The following ZNF765 variants were observed in gnomAD, a reference collection of about 807,000 sequenced individuals.
ZNF765 encodes zinc finger protein 765.
ZNF765 carries 37 observed loss-of-function variants against 44.7 expected under a neutral mutation model. That is an observed-to-expected ratio of 0.83 (90% CI 0.64 to 1.09). The LOEUF (loss-of-function observed/expected upper bound fraction) is 1.09, where lower values mean the gene tolerates loss of function less well. ZNF765 is among the 50% of genes least tolerant of loss of function. The pLI, the probability that ZNF765 is intolerant of heterozygous loss-of-function variation, is 0.00. For missense variants in ZNF765, 594 were observed against 626.1 expected (o/e 0.95, Z 0.55); for synonymous variants, 201 against 213.7 (o/e 0.94, Z 0.52).
chr19:53,408,813 T>G lies in ZNF765; in HGVS notation c.1258T>G (p.Phe420Val). ...CAAGTGTAATGAGTGTGGCAAGACC[T>G]TCAATCAGCAGTTAACCCTTAACAT... is the stretch of plus-strand genomic sequence containing the variant. ...PYKCNECGKT[F>V]NQQLTLNICR... The change falls in exon 4 of 4, where the codon TTC (phenylalanine) becomes GTC (valine). Residue 420 changes from phenylalanine (F) to valine (V), a missense_variant. Physicochemically the swap from Phe to Val is conservative, Grantham distance 50 (BLOSUM62 -1). Coordinates refer to ENST00000396408, the MANE Select transcript of ZNF765 (RefSeq NM_001040185.3). The G allele has an allele frequency of 6.2e-7, 1 of 1,614,098 alleles. No individual in the cohort carries two copies. The highest frequency in any genetic ancestry group is 1.1e-5 in the South Asian group (1 of 91,072).
rs755579736 is a variant in ZNF765 at position 53,407,983 on chromosome 19, G to C, written c.428G>C (p.Ser143Thr). The C allele has an allele frequency of 1.2e-6, 2 of 1,614,180 alleles. No individual in the cohort carries two copies. Among genetic ancestry groups the C allele is most frequent in the Non-Finnish European group, 1.7e-6 (2 of 1,180,036 alleles). Residue 143 changes from serine to threonine, a missense_variant, in exon 4 of 4, where the codon AGC (serine) becomes ACC (threonine). Ser to Thr is a moderately conservative substitution (Grantham distance 58). Transcript: ENST00000396408. ...NKPVKYQLGF[S>T]FHSHLPELHI... ...CCTGTTAAATATCAGCTTGGATTCAGCTTTCATTCGCATCTGCCTGAACTG... is the reference window on the plus strand; with the variant it reads ...CCTGTTAAATATCAGCTTGGATTCACCTTTCATTCGCATCTGCCTGAACTG...
rs1319971996 is a variant in ZNF765, at chr19:53,411,373, A to C, written c.*2246A>C. On this transcript the variant is annotated 3_prime_UTR_variant, in exon 4 of 4. Coordinates refer to ENST00000396408, the MANE Select transcript of ZNF765 (RefSeq NM_001040185.3). The stretch of plus-strand genomic sequence containing the variant: ...AATGGAGCGATCCCAGCTCACTACA[A>C]CCTCCGCCTCCCAGGTTCAAGCAAT... 1 of 150,340 alleles carries C rather than the reference A, an allele frequency of 6.7e-6. No homozygotes were observed. Among genetic ancestry groups the C allele is most frequent in the African/African-American group, 2.5e-5 (1 of 40,520 alleles). The allele number at this position is 150,340 out of a possible 1,614,324, so 9.3% of individuals were successfully genotyped here. A position where few individuals can be genotyped will look rare whatever the true frequency, so the allele number is the denominator to read the frequency against.
intron 3 of ZNF765, among the ~76,000 whole-genome samples, chr19:53,403,165 A>C (rs191870402): frequency 6.6e-6 from 1 of 152,046 alleles, no homozygotes; most frequent in East Asian, 1.9e-4. Flanking sequence ...GTCTCAAAAA[A>C]AAAAAGAAAA....
intron 2 of ZNF765, among the ~76,000 whole-genome samples, chr19:53,401,279 C>T (rs2085722866): frequency 6.6e-6 from 1 of 152,026 alleles, no homozygotes; most frequent in Non-Finnish European, 1.5e-5. Context: ...ATAAATGTTT[C>T]TGGGCCGGGC....
chr19:53,417,612 G>C (rs2085883169), intron 3 of ZNF765, among the ~76,000 whole-genome samples: 1 of 152,152 alleles, frequency 6.6e-6, no homozygotes, highest in African/African-American at 2.4e-5. Flanking sequence ...CTTTACAATA[G>C]AACAATTTAT....
At chr19:53,413,376 A>G, downstream of ZNF765, 3 of 567,036 alleles carry the variant, frequency 5.3e-6, no homozygotes, top group Non-Finnish European at 1.0e-5. Flanking sequence ...ACACATATTT[A>G]TGCTGTCTGA....
chr19:53,418,097 GT>G (rs2085885651), intron 3 of ZNF765, among the ~76,000 whole-genome samples: 1 of 152,162 alleles, frequency 6.6e-6, no homozygotes. Context: ...GGAAATAAAA[GT>G]TTTAAAAATA....
downstream of ZNF765, among the ~76,000 whole-genome samples, chr19:53,416,825 T>C (rs1365018065): frequency 6.6e-6 from 1 of 151,856 alleles, no homozygotes; most frequent in East Asian, 1.9e-4. Flanking sequence ...TCTTTTCTTT[T>C]TTTTTTTTCT....
intron 1 of ZNF765, among the ~76,000 whole-genome samples, chr19:53,397,539 G>A (rs1466144818): frequency 2.0e-5 from 3 of 152,152 alleles, no homozygotes; most frequent in African/African-American, 7.2e-5. Flanking sequence ...GCACAACCAT[G>A]CCTGGCTAAG....
chr19:53,421,815 T>C (rs555889112), intron 3 of ZNF765, among the ~76,000 whole-genome samples: 67 of 152,222 alleles, frequency 4.4e-4, no homozygotes, highest in African/African-American at 1.4e-3. Flanking sequence ...CGCCCAGCCA[T>C]GATAATTTAA....
chr19:53,409,136 G>GT lies in ZNF765; in HGVS notation c.*10dup, dbSNP rs549587498. On this transcript the variant is annotated 3_prime_UTR_variant, in exon 4 of 4. Transcript: ENST00000396408. ...AGAAACTACACGTGTAATGAGTGTG[G>GT]TAAGACCTTCAATCAGGAGTTAACC... is the stretch of plus-strand genomic sequence containing the variant. 5.7e-3 allele frequency: 9,194 copies of GT among 1,605,346 alleles called. 92 individuals carry two copies. The highest frequency in any genetic ancestry group is 0.034 in the Admixed American group (2,021 of 59,894).
At chr19:53,416,000 G>C (rs562490575), downstream of ZNF765, among the ~76,000 whole-genome samples, 24 of 152,030 alleles carry the variant, frequency 1.6e-4, no homozygotes, top group South Asian at 3.3e-3. Flanking sequence ...TGTCAACCAG[G>C]CTGCAGTGCA....
Position 53,409,152 on chromosome 19 carries a change from G to A in ZNF765, c.*25G>A. ...ATGAGTGTGGTAAGACCTTCAATCA[G>A]GAGTTAACCCTTACATGCCATCGTA... On this transcript the variant is annotated 3_prime_UTR_variant, in exon 4 of 4. Coordinates refer to ENST00000396408, the MANE Select transcript of ZNF765 (RefSeq NM_001040185.3). The A allele has an allele frequency of 1.3e-6, 2 of 1,582,264 alleles. No individual in the cohort carries two copies. Among genetic ancestry groups the A allele is most frequent in the Non-Finnish European group, 1.7e-6 (2 of 1,151,766 alleles).
chr19:53,409,104 A>C lies in ZNF765; in HGVS notation c.1549A>C (p.Thr517Pro), dbSNP rs754944005. ...CCTTGAAAGACATAGGAGAATTTAT[A>C]CTGGAGAGAAACTACACGTGTAATG... Reference protein sequence around the residue: ...SNLERHRRIYTGEKLHV With the variant: ...SNLERHRRIYPGEKLHV The change falls in exon 4 of 4, where the codon ACT (threonine) becomes CCT (proline). Residue 517 changes from threonine (T) to proline (P), a missense_variant. Coordinates refer to ENST00000396408, the MANE Select transcript of ZNF765 (RefSeq NM_001040185.3). 3 of 1,613,440 alleles carry C rather than the reference A, an allele frequency of 1.9e-6. No homozygotes were observed. In the South Asian group the frequency reaches 3.3e-5, roughly 18 times the overall value.
chr19:53,410,947 T>C lies in ZNF765; in HGVS notation c.*1820T>C. ...TATAAATGTCATCAGTGTGCCAAAG[T>C]CTTCAGTCTGAGCTCACTCCTTGCA... is the stretch of plus-strand genomic sequence containing the variant. On this transcript the variant is annotated 3_prime_UTR_variant, in exon 4 of 4. Transcript: ENST00000396408. The C allele has an allele frequency of 2.4e-6, 1 of 410,584 alleles. No individual in the cohort carries two copies. Among genetic ancestry groups the C allele is most frequent in the Admixed American group, 3.0e-5 (1 of 33,254 alleles). The allele number at this position is 410,584 out of a possible 1,614,324, so 25.4% of individuals were successfully genotyped here. A position where few individuals can be genotyped will look rare whatever the true frequency, so the allele number is the denominator to read the frequency against.
rs181886189 is a variant in ZNF765 at position 53,397,427 on chromosome 19, C to T, written c.-73-516C>T. 2.0e-3 allele frequency among the ~76,000 whole-genome samples: 308 copies of T among 152,252 alleles called. 2 individuals are homozygous for T. The highest frequency in any genetic ancestry group is 3.2e-3 in the Non-Finnish European group (215 of 68,012). ...TCAATTTTTGAATTTTTAGTAGAGA[C>T]AGGGTTTCACCATGTTGGCCAGGCT... On this transcript the variant is annotated intron_variant, in intron 1 of 3. Transcript: ENST00000396408.
At chr19:53,395,383 C>G (rs1304035320) in intron 1 of ZNF765, among the ~76,000 whole-genome samples, 190 bp downstream of exon 1, 5 of 152,224 alleles carry the variant, frequency 3.3e-5, no homozygotes, top group Admixed American at 1.3e-4. Flanking sequence ...GAGGCTGGTC[C>G]CGTCCCGGGT....
chr19:53,409,662 A>G lies in ZNF765; in HGVS notation c.*535A>G. ...GACCTTTAGTCAGAACTCATACCTT[A>G]CACGCCATCGTAGACTTCATACTGG... On this transcript the variant is annotated 3_prime_UTR_variant, in exon 4 of 4. Coordinates refer to ENST00000396408, the MANE Select transcript of ZNF765 (RefSeq NM_001040185.3). 4 of 1,232,048 alleles carry G rather than the reference A, an allele frequency of 3.2e-6. No individual in the cohort carries two copies. Among genetic ancestry groups the G allele is most frequent in the Non-Finnish European group, 3.6e-6 (3 of 836,232 alleles). 76.3% of individuals were successfully genotyped at this position (1,232,048 alleles called of 1,614,324 possible). A position where few individuals can be genotyped will look rare whatever the true frequency, so the allele number is the denominator to read the frequency against.
At chr19:53,402,496 G>A (rs867701088) in intron 3 of ZNF765, among the ~76,000 whole-genome samples, 5 of 151,942 alleles carry the variant, frequency 3.3e-5, no homozygotes, top group East Asian at 1.9e-4. Flanking sequence ...TCCTGACCTC[G>A]TGATCCACAC....
Sources: gnomAD v4.1 joint callset for allele counts (sites outside exome capture counted in the v4.1 genomes callset) on GRCh38, gnomAD v4.1.1 for gene constraint, MANE v1.5 for transcripts, NCBI Gene and HGNC (gene_info 2026-07-23, HGNC 2026-07-21) for gene names.